The following PSIP1 variants were observed in gnomAD, a reference collection of about 807,000 sequenced individuals.
PSIP1 encodes PC4 and SFRS1-interacting protein.
A neutral mutation model predicts 74.7 loss-of-function variants in PSIP1; 19 were observed. The ratio of observed to expected loss-of-function variants is 0.25; its 90% CI spans 0.18 to 0.37. The LOEUF (loss-of-function observed/expected upper bound fraction) is 0.37. Among genes scored for constraint, PSIP1 ranks in the 10% least tolerant of loss-of-function variants. The pLI, the probability that PSIP1 is intolerant of heterozygous loss-of-function variation, is 1.00. For synonymous variants in PSIP1, 222 were observed against 195.3 expected (o/e 1.14, Z -1.14); for missense variants, 601 against 614.3 (o/e 0.98, Z 0.23).
chr9:15,496,051 C>T (rs1160022433), intron 3 of PSIP1, among the ~76,000 whole-genome samples: 4 of 152,198 alleles, frequency 2.6e-5, no homozygotes, highest in East Asian at 1.9e-4. Context: ...ACTATACATC[C>T]GACTGTGCAT....
At chr9:15,487,391 T>C (rs2036601636) in intron 4 of PSIP1, among the ~76,000 whole-genome samples, 2 of 151,640 alleles carry the variant, frequency 1.3e-5, no homozygotes. Context: ...AGTCGGGCGT[T>C]CAAGACCAGC....
chr9:15,501,762 G>A (rs146352711), intron 3 of PSIP1, among the ~76,000 whole-genome samples: 1,573 of 150,364 alleles, frequency 0.01, 20 homozygotes, highest in African/African-American at 0.037. Context: ...CTCCGTATCC[G>A]TAAGACTGTG....
At chr9:15,466,133 A>G (rs1243228263) in intron 15 of PSIP1, among the ~76,000 whole-genome samples, 1 of 150,902 alleles carries the variant, frequency 6.6e-6, no homozygotes, top group African/African-American at 2.5e-5. Context: ...TAATCCCAAC[A>G]CTGGGAAGCC....
At chr9:15,486,149 G>A in intron 5 of PSIP1, 81 bp from the exon 6 acceptor site, 1 of 1,211,274 alleles carries the variant, frequency 8.3e-7, no homozygotes, top group Admixed American at 2.1e-5. Context: ...AAAGTTACAA[G>A]CACGTTTAAC....
chr9:15,510,634 G>A (rs374211322), intron 1 of PSIP1, among the ~76,000 whole-genome samples, 183 bp downstream of exon 1: 1 of 152,120 alleles, frequency 6.6e-6, no homozygotes, highest in Non-Finnish European at 1.5e-5. Flanking sequence ...GAGAGAAAAA[G>A]GCAGGGATTC....
In PSIP1 at chr9:15,474,206, C is replaced by G. The variant is rs760896619; in HGVS notation, c.661G>C (p.Gly221Arg). 1 of 1,612,434 alleles carries G rather than the reference C, an allele frequency of 6.2e-7. No homozygotes were observed. Among genetic ancestry groups the G allele is most frequent in the Non-Finnish European group, 8.5e-7 (1 of 1,179,590 alleles). ...TTTTTAGGTTGTTTTTCCTCTTGCCCCTTTTTCTTACTTTTGTCCTCTTCA... is the reference window on the plus strand; with the variant it reads ...TTTTTAGGTTGTTTTTCCTCTTGCCGCTTTTTCTTACTTTTGTCCTCTTCA... ...ITEEDKSKKKGQEEKQPKKQP... is the reference protein window; with the variant it reads ...ITEEDKSKKKRQEEKQPKKQP... Residue 221 changes from glycine (G) to arginine (R), a missense_variant, in exon 9 of 16, where the codon GGG (glycine) becomes CGG (arginine). By Grantham distance (125) the Gly-to-Arg change is moderately radical. Around this residue, in one of 2 missense-constraint regions of PSIP1, gnomAD observed 538 missense variants for 507.6 expected, o/e 1.06. Coordinates refer to ENST00000380733, the MANE Select transcript of PSIP1 (RefSeq NM_033222.5).
At chr9:15,500,854 C>A (rs1399949584) in intron 3 of PSIP1, among the ~76,000 whole-genome samples, 1 of 152,014 alleles carries the variant, frequency 6.6e-6, no homozygotes, top group Non-Finnish European at 1.5e-5. Flanking sequence ...AGGAATAGTC[C>A]CTGAATTAGC....
At chr9:15,503,350 G>A (rs2037432072) in intron 3 of PSIP1, among the ~76,000 whole-genome samples, 1 of 151,198 alleles carries the variant, frequency 6.6e-6, no homozygotes, top group Non-Finnish European at 1.5e-5. Flanking sequence ...CTGGGCAACA[G>A]AGGAGACTCC....
intron 2 of PSIP1, among the ~76,000 whole-genome samples, chr9:15,507,011 A>G (rs1420375575): frequency 6.6e-6 from 1 of 152,236 alleles, no homozygotes; most frequent in African/African-American, 2.4e-5. Context: ...TGTTAATCAT[A>G]TCATTTCAGG....
chr9:15,469,592 C>T (rs1220169155), intron 11 of PSIP1, among the ~76,000 whole-genome samples: 1 of 152,116 alleles, frequency 6.6e-6, no homozygotes, highest in Non-Finnish European at 1.5e-5. Flanking sequence ...AATAAATAGT[C>T]TGCATATGAT....
intron 2 of PSIP1, among the ~76,000 whole-genome samples, chr9:15,509,851 C>T (rs539206540): frequency 6.6e-6 from 1 of 152,130 alleles, no homozygotes; most frequent in African/African-American, 2.4e-5. Flanking sequence ...TATTAACTAG[C>T]AACGCATTTA....
intron 3 of PSIP1, among the ~76,000 whole-genome samples, chr9:15,492,576 G>A (rs2036882752): frequency 6.6e-6 from 1 of 152,210 alleles, no homozygotes; most frequent in East Asian, 1.9e-4. Context: ...GGGGTCTGGA[G>A]GATGGTGGCC....
intron 3 of PSIP1, among the ~76,000 whole-genome samples, chr9:15,491,673 A>G (rs1016012111): frequency 2.0e-5 from 3 of 152,200 alleles, no homozygotes; most frequent in African/African-American, 4.8e-5. Context: ...AACCCACTCT[A>G]AAGTCAAAAA....
rs544380887 is a variant in PSIP1 at position 15,508,719 on chromosome 9, C to A, written c.72+1398G>T. 5.3e-5 allele frequency among the ~76,000 whole-genome samples: 8 copies of A among 152,248 alleles called. No individual in the cohort carries two copies. The South Asian group carries it at 1.2e-3, about 24-fold the overall frequency. ...TCAGTTTCCCTAGGCTCCATTTGAA[C>A]GTGAATTGTGTTTTATAGGTGCATC... On this transcript the variant is annotated intron_variant, in intron 2 of 15. Coordinates refer to ENST00000380733, the MANE Select transcript of PSIP1 (RefSeq NM_033222.5).
At chr9:15,471,277 C>T in intron 10 of PSIP1, 1 of 1,576,826 alleles carries the variant, frequency 6.3e-7, no homozygotes, top group Non-Finnish European at 8.7e-7. Flanking sequence ...ATGCATTTCA[C>T]ACAAGCTGCA....
At chr9:15,468,168 T>G (rs2035710774) in intron 14 of PSIP1, among the ~76,000 whole-genome samples, 1 of 151,516 alleles carries the variant, frequency 6.6e-6, no homozygotes, top group South Asian at 2.1e-4. Context: ...CTGTGAAGTC[T>G]GTTCAGGGTA....
intron 7 of PSIP1, among the ~76,000 whole-genome samples, chr9:15,479,210 CAATAAA>C: frequency 6.6e-6 from 1 of 152,034 alleles, no homozygotes; most frequent in East Asian, 1.9e-4. Context: ...AAATCCCTAT[CAATAAA>C]GAACGCACAA....
chr9:15,488,694 G>A (rs1394525920), intron 4 of PSIP1, among the ~76,000 whole-genome samples: 1 of 152,076 alleles, frequency 6.6e-6, no homozygotes, highest in African/African-American at 2.4e-5. Flanking sequence ...AGACCATCCT[G>A]GCTAACAAGG....
chr9:15,482,595 C>T (rs558657228), intron 6 of PSIP1, among the ~76,000 whole-genome samples: 5 of 152,144 alleles, frequency 3.3e-5, no homozygotes, highest in Admixed American at 6.5e-5. Flanking sequence ...TAAGTCAGTT[C>T]CTTCAAATGT....
Sources: allele counts gnomAD v4.1 joint callset (sites outside exome capture counted in the v4.1 genomes callset), GRCh38; gene constraint gnomAD v4.1.1; regional missense constraint gnomAD v4.1.1; transcripts MANE v1.5; gene names NCBI Gene and HGNC (gene_info 2026-07-23, HGNC 2026-07-21).